The following CAST variants were observed in gnomAD, a reference collection of about 807,000 sequenced individuals.
CAST encodes the protein MIR583 host.
CAST carries 76 observed loss-of-function variants against 119.6 expected under a neutral mutation model. That is an observed-to-expected ratio of 0.64 (90% CI 0.53 to 0.77). The LOEUF (loss-of-function observed/expected upper bound fraction) is 0.77, where lower values mean the gene tolerates loss of function less well. Ranked by LOEUF, CAST falls within the 30% of genes least tolerant of loss-of-function variation. The pLI, the probability that CAST is intolerant of heterozygous loss-of-function variation, is 0.00. For synonymous variants in CAST, 319 were observed against 331.6 expected, an observed-to-expected ratio of 0.96 and a Z score of 0.41; for missense variants, 953 against 946.5, an observed-to-expected ratio of 1.01 and a Z score of -0.09.
At chr5:96,471,136 C>G in the CAST span, among the ~76,000 whole-genome samples, 35 of 152,102 alleles carry the variant, frequency 2.3e-4, no homozygotes, top group African/African-American at 7.7e-4. Flanking sequence ...AGATTGAAGA[C>G]AGGTCAAATT....
intron 24 of CAST, among the ~76,000 whole-genome samples, chr5:96,759,053 C>T (rs1767043882): frequency 6.6e-6 from 1 of 152,072 alleles, no homozygotes; most frequent in South Asian, 2.1e-4. Flanking sequence ...ATGCCCCCTT[C>T]AAAGATATGT....
At chr5:96,570,695 G>A (rs1295281096) in intron 1 of CAST, among the ~76,000 whole-genome samples, 1 of 152,140 alleles carries the variant, frequency 6.6e-6, no homozygotes, top group Non-Finnish European at 1.5e-5. Context: ...AGCAACTTCG[G>A]TAAAGATTTA....
chr5:96,630,829 A>C (rs1747807377), intron 1 of CAST: 1 of 141,288 alleles, frequency 7.1e-6, no homozygotes. Flanking sequence ...AAAGAAAGAG[A>C]GAGAGAAAGA....
At chr5:96,247,550 A>G in the CAST span, among the ~76,000 whole-genome samples, 1 of 152,248 alleles carries the variant, frequency 6.6e-6, no homozygotes, top group African/African-American at 2.4e-5. Flanking sequence ...GAAAAGAAGC[A>G]CTGCCCAGCT....
the CAST span, among the ~76,000 whole-genome samples, chr5:96,347,651 G>C: frequency 3.9e-5 from 6 of 152,058 alleles, no homozygotes; most frequent in Non-Finnish European, 7.4e-5. Flanking sequence ...GACTACTCTG[G>C]TACCTCCACC....
chr5:96,230,838 T>A, the CAST span, among the ~76,000 whole-genome samples: 1 of 152,078 alleles, frequency 6.6e-6, no homozygotes, highest in Non-Finnish European at 1.5e-5. Context: ...ATGATAAGAA[T>A]AGACATTTCT....
chr5:96,774,502 T>G lies in CAST; in HGVS notation c.*1886T>G. 3.0e-6 allele frequency: 3 copies of G among 986,574 alleles called. No homozygotes were observed. The South Asian group carries it at 1.4e-4, about 46-fold the overall frequency. The allele number at this position is 986,574 out of a possible 1,614,324, so 61.1% of individuals were successfully genotyped here. ...TATCCACTTAGAGGCAAAGAACAAT[T>G]TTTTATTATCAAAAAGGTTTCTGCA... On this transcript the variant is annotated 3_prime_UTR_variant, in exon 32 of 32. Coordinates refer to ENST00000675179, the MANE Select transcript of CAST (RefSeq NM_001750.7).
At chr5:96,738,020 T>C (rs1761994699) in intron 11 of CAST, 73 bp downstream of exon 11, 3 of 845,124 alleles carry the variant, frequency 3.5e-6, no homozygotes, top group African/African-American at 1.7e-5. Flanking sequence ...GGTCATGAAG[T>C]ACAAAAGAAT....
At chr5:96,324,773 A>G in the CAST span, among the ~76,000 whole-genome samples, 1 of 151,762 alleles carries the variant, frequency 6.6e-6, no homozygotes. Flanking sequence ...TTTTTTCTTC[A>G]TGACAAGGTA....
the CAST span, among the ~76,000 whole-genome samples, chr5:95,997,942 A>G: frequency 2.1e-5 from 3 of 141,574 alleles, no homozygotes; most frequent in South Asian, 6.8e-4. Flanking sequence ...GCTAAAATGT[A>G]CTATGGGCTT....
Position 96,748,539 on chromosome 5 carries a change from A to G in CAST, c.1354A>G (p.Ile452Val). The G allele has an allele frequency of 1.9e-6, 3 of 1,565,634 alleles. No individual in the cohort carries two copies. Among genetic ancestry groups the G allele is most frequent in the Non-Finnish European group, 2.6e-6 (3 of 1,136,280 alleles). ...ACAGCCTCGGAGTGAATCAGAACTCATTGATGAACTTTCAGAAGATTTTGA... is the reference window on the plus strand; with the variant it reads ...ACAGCCTCGGAGTGAATCAGAACTCGTTGATGAACTTTCAGAAGATTTTGA... The part of the protein sequence containing the change: ...KPKPRSESEL[I>V]DELSEDFDRS... The change falls in exon 19 of 32, where the codon ATT becomes GTT. Residue 452 changes from isoleucine to valine, a missense_variant. Physicochemically the swap from Ile to Val is conservative, Grantham distance 29. Transcript: ENST00000675179.
chr5:96,724,548 A>T (rs1341346946), intron 4 of CAST, among the ~76,000 whole-genome samples: 1 of 152,178 alleles, frequency 6.6e-6, no homozygotes, highest in African/African-American at 2.4e-5. Flanking sequence ...GTTCTCATTA[A>T]GACCAGGCAT....
At chr5:96,607,148 C>T (rs1173787738) in intron 1 of CAST, among the ~76,000 whole-genome samples, 4 of 151,994 alleles carry the variant, frequency 2.6e-5, no homozygotes, top group East Asian at 1.9e-4. Flanking sequence ...ATTAGCCGGG[C>T]GTGGTGGTGG....
the CAST span, among the ~76,000 whole-genome samples, chr5:96,449,865 T>G: frequency 6.6e-6 from 1 of 152,238 alleles, no homozygotes; most frequent in African/African-American, 2.4e-5. Flanking sequence ...CTTACCACTC[T>G]CTTAAGATGG....
chr5:96,253,725 A>G, the CAST span, among the ~76,000 whole-genome samples: 2 of 151,992 alleles, frequency 1.3e-5, no homozygotes, highest in Non-Finnish European at 2.9e-5. Flanking sequence ...AAAAGAAGGA[A>G]AATAAATATT....
intron 19 of CAST, among the ~76,000 whole-genome samples, chr5:96,750,052 C>T (rs1375882950): frequency 6.6e-6 from 1 of 152,072 alleles, no homozygotes; most frequent in African/African-American, 2.4e-5. Context: ...GATTACACTT[C>T]CAAAACTTGT....
chr5:96,086,745 G>A, the CAST span, among the ~76,000 whole-genome samples: 1 of 152,106 alleles, frequency 6.6e-6, no homozygotes, highest in African/African-American at 2.4e-5. Flanking sequence ...AGAATATCAG[G>A]ATAACCCCGG....
chr5:96,238,366 C>CTTCTTCTT, the CAST span, among the ~76,000 whole-genome samples: 11 of 23,198 alleles, frequency 4.7e-4, no homozygotes, highest in African/African-American at 9.6e-4. Context: ...TTCTTCTTCT[C>CTTCTTCTT]CTTCTTCTCC....
the CAST span, among the ~76,000 whole-genome samples, chr5:96,242,685 C>A: frequency 1.3e-5 from 2 of 152,166 alleles, no homozygotes; most frequent in African/African-American, 2.4e-5. Flanking sequence ...GTTTCTAAAT[C>A]TGAAGGTGAT....
Sources: gnomAD v4.1 joint callset for allele counts (sites outside exome capture counted in the v4.1 genomes callset) on GRCh38, gnomAD v4.1.1 for gene constraint, MANE v1.5 for transcripts, NCBI Gene and HGNC (gene_info 2026-07-23, HGNC 2026-07-21) for gene names.